TMPRSS15: variants seen among roughly 807,000 people sequenced by gnomAD.
TMPRSS15 encodes the protein enteropeptidase.
TMPRSS15 carries 128 observed loss-of-function variants against 125.3 expected under a neutral mutation model. That is an observed-to-expected ratio of 1.02 (90% CI 0.89 to 1.18). The LOEUF is 1.18. Among genes scored for constraint, TMPRSS15 ranks in the 50% most tolerant of loss-of-function variants. The pLI is 0.00. For synonymous variants in TMPRSS15, 446 were observed against 423.2 expected (o/e 1.05, Z -0.66); for missense variants, 1,283 against 1,212.7 (o/e 1.06, Z -0.86).
intron 1 of TMPRSS15, among the ~76,000 whole-genome samples, chr21:18,399,453 A>G (rs1165196135): frequency 1.3e-5 from 2 of 152,156 alleles, no homozygotes; most frequent in Non-Finnish European, 2.9e-5. Flanking sequence ...TGTATTTTAA[A>G]TACTCAAAAT....
chr21:18,332,747 A>C lies in TMPRSS15; in HGVS notation c.1565-574T>G, dbSNP rs1222529767. Among the ~76,000 whole-genome samples the C allele has an allele frequency of 2.6e-5, 4 of 152,370 alleles. No individual in the cohort carries two copies. The East Asian group carries it at 7.7e-4, about 29-fold the overall frequency. ...ACCCAGCAATTCCGCTACTCGGTAT[A>C]TACCCAAAGGAATATAAATCATTCT... On this transcript the variant is annotated intron_variant, in intron 13 of 24. Transcript: ENST00000284885.
At chr21:18,467,400 T>TATA (rs367778639) in intron 1 of TMPRSS15, among the ~76,000 whole-genome samples, 5,191 of 150,286 alleles carry the variant, frequency 0.035, 127 homozygotes, top group African/African-American at 0.073. Context: ...GAATGAAAAG[T>TATA]ATAATAATAA....
At chr21:18,366,135 G>A (rs1174435526) in intron 6 of TMPRSS15, among the ~76,000 whole-genome samples, 1 of 152,246 alleles carries the variant, frequency 6.6e-6, no homozygotes, top group East Asian at 1.9e-4. Flanking sequence ...AAAACTGCCA[G>A]TTCAGACAAA....
At chr21:18,272,847 T>C (rs1192613728) in intron 24 of TMPRSS15, among the ~76,000 whole-genome samples, 2 of 152,212 alleles carry the variant, frequency 1.3e-5, no homozygotes, top group African/African-American at 4.8e-5. Flanking sequence ...GATGCTATAT[T>C]TATAAGTAAA....
At chr21:18,419,554 C>A (rs551254053) in intron 1 of TMPRSS15, among the ~76,000 whole-genome samples, 1 of 152,202 alleles carries the variant, frequency 6.6e-6, no homozygotes, top group East Asian at 1.9e-4. Context: ...AAAACTCTAA[C>A]CTTCTCTTTC....
intron 9 of TMPRSS15, 149 bp downstream of exon 9, chr21:18,353,574 T>G (rs2075593965): frequency 2.9e-6 from 2 of 685,708 alleles, no homozygotes; most frequent in Non-Finnish European, 4.8e-6. Flanking sequence ...TTCTCATTTC[T>G]TTTTAAGTTC....
At position 18,449,956 on chromosome 21, in the gene TMPRSS15, CA is replaced by C. The variant is rs570645746; in HGVS notation, c.10+35842del. On this transcript the variant is annotated intron_variant, in intron 1 of 7. Transcript: ENST00000422787. ...TAGAAAACACATAAAAAAGAAGATA[CA>C]AAGAAAATATATGTAGCACTTATGA... is the stretch of plus-strand genomic sequence containing the variant. Among the ~76,000 whole-genome samples, 448 of 151,700 alleles carry C rather than the reference CA, an allele frequency of 3.0e-3. 4 individuals are homozygous for C. The highest frequency in any genetic ancestry group is 9.9e-3 in the African/African-American group (411 of 41,382).
intron 1 of TMPRSS15, among the ~76,000 whole-genome samples, chr21:18,415,779 T>C (rs2076178537): frequency 6.6e-6 from 1 of 152,012 alleles, no homozygotes; most frequent in Non-Finnish European, 1.5e-5. Flanking sequence ...TTCTGTAAAG[T>C]CCTGGAAGTC....
chr21:18,307,731 A>G (rs1346344579), intron 18 of TMPRSS15, among the ~76,000 whole-genome samples: 3 of 152,162 alleles, frequency 2.0e-5, no homozygotes, highest in Non-Finnish European at 4.4e-5. Flanking sequence ...AATTCATTGG[A>G]AGGAACGTAA....
intron 14 of TMPRSS15, among the ~76,000 whole-genome samples, chr21:18,329,618 A>G (rs997869807): frequency 4.0e-5 from 6 of 151,668 alleles, no homozygotes; most frequent in African/African-American, 1.4e-4. Context: ...TGAATATCAA[A>G]GGATACTAAA....
chr21:18,304,216 C>G (rs897394298), intron 18 of TMPRSS15, among the ~76,000 whole-genome samples: 10 of 152,110 alleles, frequency 6.6e-5, no homozygotes, highest in African/African-American at 2.4e-4. Context: ...AGATGATTCT[C>G]AATAGGGTGT....
intron 1 of TMPRSS15, among the ~76,000 whole-genome samples, chr21:18,446,078 AC>A (rs2076255285): frequency 1.3e-5 from 2 of 152,212 alleles, no homozygotes; most frequent in African/African-American, 4.8e-5. Context: ...CAACCAAACC[AC>A]TGTTAGAAGT....
intron 1 of TMPRSS15, among the ~76,000 whole-genome samples, chr21:18,455,994 G>C (rs909892547): frequency 1.3e-5 from 2 of 152,034 alleles, no homozygotes; most frequent in African/African-American, 4.8e-5. Flanking sequence ...CAATGCTCTT[G>C]CAAATGATTT....
intron 1 of TMPRSS15, among the ~76,000 whole-genome samples, chr21:18,401,867 C>A (rs980982869): frequency 6.6e-6 from 1 of 152,110 alleles, no homozygotes; most frequent in African/African-American, 2.4e-5. Context: ...TTTATTTTCT[C>A]TTTCACTTGT....
rs1225553940 is a variant in TMPRSS15 at position 18,413,387 on chromosome 21, A to T, written c.11-15058T>A. On this transcript the variant is annotated intron_variant, in intron 1 of 7. Transcript: ENST00000422787. ...TTCCTTCCTTCCTTCCTTTCTTTCTATCTTTCTTCTTTCTTTCTTTCAGAT... is the reference window on the plus strand; with the variant it reads ...TTCCTTCCTTCCTTCCTTTCTTTCTTTCTTTCTTCTTTCTTTCTTTCAGAT... Among the ~76,000 whole-genome samples, 118 of 62,818 alleles carry T rather than the reference A, an allele frequency of 1.9e-3. 1 individual carries two copies. Among genetic ancestry groups the T allele is most frequent in the Non-Finnish European group, 2.8e-3 (90 of 32,690 alleles). The allele number at this position is 62,818 out of a possible 152,430, so 41.2% of individuals were successfully genotyped here. A position where few individuals can be genotyped will look rare whatever the true frequency, so the allele number is the denominator to read the frequency against.
intron 16 of TMPRSS15, among the ~76,000 whole-genome samples, chr21:18,318,199 C>A (rs1015823839): frequency 1.7e-4 from 26 of 152,142 alleles, no homozygotes; most frequent in African/African-American, 6.0e-4. Context: ...CCGGCTCTAG[C>A]ACAAAAAGTG....
chr21:18,451,862 T>C (rs1457085384), intron 1 of TMPRSS15, among the ~76,000 whole-genome samples: 1 of 151,850 alleles, frequency 6.6e-6, no homozygotes, highest in Non-Finnish European at 1.5e-5. Context: ...ATGTCAAAGT[T>C]CACAGTCATG....
At chr21:18,340,546 C>G (rs1357959742) in intron 13 of TMPRSS15, among the ~76,000 whole-genome samples, 1 of 152,198 alleles carries the variant, frequency 6.6e-6, no homozygotes, top group Non-Finnish European at 1.5e-5. Flanking sequence ...ATATACACAT[C>G]TATCCTATGA....
chr21:18,395,505 T>G (rs2076026760), intron 3 of TMPRSS15, among the ~76,000 whole-genome samples: 1 of 152,200 alleles, frequency 6.6e-6, no homozygotes, highest in Non-Finnish European at 1.5e-5. Flanking sequence ...TTGACAAGCT[T>G]GTGGTGATCT....
Sources: gnomAD v4.1 joint callset for allele counts (sites outside exome capture counted in the v4.1 genomes callset) on GRCh38, gnomAD v4.1.1 for gene constraint, MANE v1.5 for transcripts, NCBI Gene and HGNC (gene_info 2026-07-23, HGNC 2026-07-21) for gene names.